Variants in RNF150 observed in about 807,000 individuals in gnomAD.
RNF150 encodes the protein ring finger protein 150.
Under a neutral mutation model 39.3 loss-of-function variants are expected in RNF150, and 24 were observed. That is an observed-to-expected ratio of 0.61 (90% CI 0.44 to 0.86). RNF150 has a LOEUF of 0.86. Ranked by LOEUF, RNF150 falls within the 40% of genes least tolerant of loss-of-function variation. The probability of loss-of-function intolerance (pLI) is 0.00; values close to 1 mark genes in which losing one functional copy is unlikely to be tolerated. For missense variants in RNF150, 502 were observed against 587.8 expected (o/e 0.85, Z 1.51); for synonymous variants, 255 against 227.3 (o/e 1.12, Z -1.10).
chr4:140,912,994 C>T (rs1352136688), intron 5 of RNF150, among the ~76,000 whole-genome samples: 2 of 149,524 alleles, frequency 1.3e-5, no homozygotes, highest in East Asian at 3.9e-4. Flanking sequence ...ACACCATGGG[C>T]TGGGCGTGGT....
chr4:140,923,651 G>A (rs548936015), intron 5 of RNF150, among the ~76,000 whole-genome samples: 1 of 152,150 alleles, frequency 6.6e-6, no homozygotes, highest in Non-Finnish European at 1.5e-5. Context: ...AAATCATGCT[G>A]TTATAAAGAC....
intron 1 of RNF150, among the ~76,000 whole-genome samples, chr4:141,052,998 C>T (rs1227857728): frequency 6.6e-6 from 1 of 152,054 alleles, no homozygotes; most frequent in Non-Finnish European, 1.5e-5. Flanking sequence ...TTCCTTGATT[C>T]CTTAACTATA....
chr4:141,128,636 G>T (rs1007561481), intron 1 of RNF150, among the ~76,000 whole-genome samples: 2 of 151,922 alleles, frequency 1.3e-5, no homozygotes, highest in Admixed American at 6.6e-5. Flanking sequence ...TTTTTGCTAT[G>T]GCCTTCTTGG....
chr4:141,140,940 C>G (rs991453912), intron 1 of RNF150, among the ~76,000 whole-genome samples: 3 of 152,194 alleles, frequency 2.0e-5, no homozygotes, highest in Non-Finnish European at 4.4e-5. Flanking sequence ...TTAATCCCAG[C>G]TCTGTGCCTA....
intron 1 of RNF150, among the ~76,000 whole-genome samples, chr4:141,037,198 G>A (rs1053193655): frequency 2.0e-5 from 3 of 152,046 alleles, no homozygotes; most frequent in South Asian, 4.2e-4. Context: ...TAAGGTTCTC[G>A]GTATTTCCCT....
At chr4:141,016,698 T>C (rs1258407491) in intron 1 of RNF150, among the ~76,000 whole-genome samples, 3 of 152,200 alleles carry the variant, frequency 2.0e-5, no homozygotes, top group Non-Finnish European at 4.4e-5. Flanking sequence ...CTGCTTAATA[T>C]CTCTGTAGTT....
At chr4:141,090,773 T>C (rs1337244139) in intron 1 of RNF150, among the ~76,000 whole-genome samples, 1 of 152,224 alleles carries the variant, frequency 6.6e-6, no homozygotes. Context: ...CTGGTGATTG[T>C]TGCTTTTCAG....
At chr4:141,136,124 G>T (rs887973042), upstream of RNF150, among the ~76,000 whole-genome samples, 1 of 152,108 alleles carries the variant, frequency 6.6e-6, no homozygotes, top group Non-Finnish European at 1.5e-5. Flanking sequence ...TGACAATTAC[G>T]TACAATAAAT....
intron 1 of RNF150, among the ~76,000 whole-genome samples, chr4:141,128,815 G>A (rs1726819802): frequency 6.6e-6 from 1 of 152,100 alleles, no homozygotes; most frequent in African/African-American, 2.4e-5. Flanking sequence ...ATAAATAATG[G>A]TGGGTGTAAG....
intron 6 of RNF150, among the ~76,000 whole-genome samples, chr4:140,883,243 T>C (rs973611555): frequency 6.6e-6 from 1 of 152,202 alleles, no homozygotes; most frequent in Non-Finnish European, 1.5e-5. Context: ...TAAAGTAGTT[T>C]TTTTCACCTT....
intron 1 of RNF150, among the ~76,000 whole-genome samples, chr4:141,177,965 A>G (rs867755003): frequency 3.9e-5 from 6 of 152,194 alleles, no homozygotes; most frequent in African/African-American, 1.4e-4. Context: ...GGGAAATGAT[A>G]GCTTTACGCT....
chr4:141,139,315 A>G (rs1578762737), intron 1 of RNF150, among the ~76,000 whole-genome samples: 1 of 152,244 alleles, frequency 6.6e-6, no homozygotes, highest in Non-Finnish European at 1.5e-5. Flanking sequence ...GGCTCCTCCC[A>G]TCAAGTTTAG....
chr4:140,967,774 ATGG>A lies in RNF150; in HGVS notation c.581_583del (p.Thr194del). On this transcript the variant is annotated inframe_deletion, in exon 2 of 7. Transcript: ENST00000515673. ...ATATTTCTGCAAGTTCCGGGTTCCG[ATGG>A]TGATGTACATTGTCACGGTGATGTT... 6.2e-7 allele frequency: 1 copy of A among 1,613,564 alleles called. No homozygotes were observed. Among genetic ancestry groups the A allele is most frequent in the Non-Finnish European group, 8.5e-7 (1 of 1,179,658 alleles).
Position 141,148,303 on chromosome 4 carries a change from T to C in RNF150, c.-6+64491A>G, listed in dbSNP as rs113399866. Among the ~76,000 whole-genome samples, 581 of 152,332 alleles carry C rather than the reference T, an allele frequency of 3.8e-3. 3 individuals carry two copies. The highest frequency in any genetic ancestry group is 0.013 in the African/African-American group (545 of 41,564). ...GGTCTGTTACCCTGGACCTAGAATATAAACTATGCTTCCCTTTAAAAAGAA... is the reference window on the plus strand; with the variant it reads ...GGTCTGTTACCCTGGACCTAGAATACAAACTATGCTTCCCTTTAAAAAGAA... On this transcript the variant is annotated intron_variant, in intron 1 of 7. Coordinates refer to the RNF150 transcript ENST00000420921.
At chr4:140,999,992 A>AAGAAGAAG (rs1491371280) in intron 1 of RNF150, among the ~76,000 whole-genome samples, 1 of 22,422 alleles carries the variant, frequency 4.5e-5, no homozygotes, top group Non-Finnish European at 1.3e-4. Flanking sequence ...AGAAAAGAAG[A>AAGAAGAAG]AAAGAAGAAG....
chr4:141,142,601 T>G (rs929465677), intron 1 of RNF150, among the ~76,000 whole-genome samples: 1 of 152,204 alleles, frequency 6.6e-6, no homozygotes, highest in Non-Finnish European at 1.5e-5. Context: ...TCACCGAAAC[T>G]TCTGTGGTCA....
intron 1 of RNF150, among the ~76,000 whole-genome samples, chr4:141,062,717 G>A (rs1362689873): frequency 1.3e-5 from 2 of 152,010 alleles, no homozygotes; most frequent in East Asian, 3.9e-4. Context: ...ACATGTGCAG[G>A]TTTGTCACAT....
At chr4:140,935,458 A>G (rs1236612654) in intron 4 of RNF150, among the ~76,000 whole-genome samples, 2 of 152,118 alleles carry the variant, frequency 1.3e-5, no homozygotes, top group Non-Finnish European at 2.9e-5. Flanking sequence ...ACTGGGGATC[A>G]GGACATTTGA....
chr4:140,959,413 A>G (rs1004399010), intron 2 of RNF150, among the ~76,000 whole-genome samples: 1 of 152,096 alleles, frequency 6.6e-6, no homozygotes, highest in Non-Finnish European at 1.5e-5. Context: ...CTCTGAGTAG[A>G]GCCGCATCCT....
Sources: gnomAD v4.1 joint callset for allele counts (sites outside exome capture counted in the v4.1 genomes callset) on GRCh38, gnomAD v4.1.1 for gene constraint, MANE v1.5 for transcripts, NCBI Gene and HGNC (gene_info 2026-07-23, HGNC 2026-07-21) for gene names.